The following POU6F2 variants were observed in gnomAD, a reference collection of about 807,000 sequenced individuals.
The protein encoded by POU6F2 is POU domain, class 6, transcription factor 2.
A neutral mutation model predicts 71.3 loss-of-function variants in POU6F2; 31 were observed. The ratio of observed to expected loss-of-function variants is 0.43; its 90% CI spans 0.33 to 0.59. The LOEUF (loss-of-function observed/expected upper bound fraction) is 0.59, where lower values mean the gene tolerates loss of function less well. Among genes scored for constraint, POU6F2 ranks in the 20% least tolerant of loss-of-function variants. The pLI is 0.04. For synonymous variants in POU6F2, 347 were observed against 355.7 expected, an observed-to-expected ratio of 0.98 and a Z score of 0.27; for missense variants, 783 against 856.8, an observed-to-expected ratio of 0.91 and a Z score of 1.07.
intron 4 of POU6F2, among the ~76,000 whole-genome samples, chr7:39,262,811 G>A (rs1784164240): frequency 6.6e-6 from 1 of 152,060 alleles, no homozygotes; most frequent in Admixed American, 6.6e-5. Flanking sequence ...AAAATGCATT[G>A]GAACCTATAA....
intron 4 of POU6F2, among the ~76,000 whole-genome samples, chr7:39,265,778 C>G (rs1236168568): frequency 6.6e-6 from 1 of 152,034 alleles, no homozygotes; most frequent in Non-Finnish European, 1.5e-5. Flanking sequence ...AAATGTAATC[C>G]TACAGTGCTG....
Position 39,229,734 on chromosome 7 carries a change from G to A in POU6F2, c.598+22114G>A, listed in dbSNP as rs549554244. On this transcript the variant is annotated intron_variant, in intron 4 of 9. Transcript: ENST00000518318. ...CATGGAAAGTGTGTTAAAGAAACAGGCAGGTATCTCTTAACAGCAATAAGT... is the reference window on the plus strand; with the variant it reads ...CATGGAAAGTGTGTTAAAGAAACAGACAGGTATCTCTTAACAGCAATAAGT... 6.1e-4 allele frequency among the ~76,000 whole-genome samples: 93 copies of A among 152,318 alleles called. 2 individuals are homozygous for A. In the South Asian group the frequency reaches 0.019, roughly 32 times the overall value.
intron 1 of POU6F2, among the ~76,000 whole-genome samples, chr7:39,031,116 G>C (rs1386745163): frequency 2.0e-5 from 3 of 151,964 alleles, no homozygotes. Flanking sequence ...GGCCAGGCTG[G>C]TCTCGAAATC....
intron 1 of POU6F2, among the ~76,000 whole-genome samples, chr7:39,054,781 T>TAAAA (rs35518758): frequency 2.3e-4 from 32 of 140,102 alleles, no homozygotes; most frequent in African/African-American, 7.7e-4. Context: ...TGGAGACACT[T>TAAAA]AAAAAAAAAA....
intron 2 of POU6F2, among the ~76,000 whole-genome samples, chr7:39,149,465 C>T (rs1373756299): frequency 4.6e-5 from 7 of 152,140 alleles, no homozygotes. Context: ...AGTGAAATGG[C>T]TGCTGTAGTG....
intron 4 of POU6F2, among the ~76,000 whole-genome samples, chr7:39,258,738 G>A (rs1257660084): frequency 6.6e-6 from 1 of 152,010 alleles, no homozygotes; most frequent in Admixed American, 6.6e-5. Flanking sequence ...AAGGTGGTAG[G>A]GGCACCGCAG....
intron 1 of POU6F2, among the ~76,000 whole-genome samples, chr7:38,983,799 C>T (rs187711575): frequency 1.5e-3 from 235 of 152,174 alleles, no homozygotes; most frequent in African/African-American, 5.5e-3. Flanking sequence ...TAGCACTTCT[C>T]ATAAACGTAA....
intron 2 of POU6F2, among the ~76,000 whole-genome samples, chr7:39,107,124 A>C (rs1319830949): frequency 6.8e-6 from 1 of 147,926 alleles, no homozygotes; most frequent in African/African-American, 2.5e-5. Context: ...AGCTCACTGC[A>C]GCCTTGACCT....
intron 4 of POU6F2, among the ~76,000 whole-genome samples, chr7:39,259,821 C>T (rs933874470): frequency 4.6e-5 from 7 of 152,092 alleles, no homozygotes; most frequent in Admixed American, 1.3e-4. Flanking sequence ...CCTGCCCCAG[C>T]TCTCAGCTTT....
chr7:39,024,267 A>G (rs1789746936), intron 1 of POU6F2, among the ~76,000 whole-genome samples: 2 of 151,908 alleles, frequency 1.3e-5, no homozygotes, highest in Admixed American at 6.6e-5. Flanking sequence ...CTTTGAAGCA[A>G]TTGTGAATGG....
chr7:39,343,717 C>G (rs543082734), intron 5 of POU6F2, among the ~76,000 whole-genome samples: 1 of 152,294 alleles, frequency 6.6e-6, no homozygotes, highest in African/African-American at 2.4e-5. Flanking sequence ...CTGCCTCCAA[C>G]TAACTCATAA....
intron 2 of POU6F2, among the ~76,000 whole-genome samples, chr7:39,178,560 G>A (rs1383166546): frequency 1.3e-5 from 2 of 152,174 alleles, no homozygotes; most frequent in Non-Finnish European, 2.9e-5. Context: ...CGGAGAGGCT[G>A]TATTATTTTT....
At chr7:39,077,616 CAGG>C (rs1275539103) in intron 1 of POU6F2, among the ~76,000 whole-genome samples, 1 of 152,124 alleles carries the variant, frequency 6.6e-6, no homozygotes, top group Non-Finnish European at 1.5e-5. Context: ...TGGATACTGA[CAGG>C]AGAGGAGGAC....
chr7:39,304,882 G>A (rs1342436165), intron 4 of POU6F2, among the ~76,000 whole-genome samples: 3 of 152,230 alleles, frequency 2.0e-5, no homozygotes, highest in Non-Finnish European at 4.4e-5. Context: ...CCACCAGAGT[G>A]TGGTAATAAA....
At chr7:39,026,648 C>A (rs1789811143) in intron 1 of POU6F2, among the ~76,000 whole-genome samples, 1 of 151,824 alleles carries the variant, frequency 6.6e-6, no homozygotes, top group African/African-American at 2.4e-5. Flanking sequence ...ATACCTAATG[C>A]TAAATGACGA....
Position 39,157,946 on chromosome 7 carries a change from T to C in POU6F2, c.278-46289T>C, listed in dbSNP as rs1323708406. Among the ~76,000 whole-genome samples the C allele has an allele frequency of 3.3e-5, 5 of 152,288 alleles. No homozygotes were observed. The East Asian group carries it at 9.6e-4, about 29-fold the overall frequency. On this transcript the variant is annotated intron_variant, in intron 2 of 9. Coordinates refer to ENST00000518318, the MANE Select transcript of POU6F2 (RefSeq NM_001370959.1). ...AAATATCTCCTTGGAGTAAGATGTT[T>C]AATATAGCAGACAAAAATTCAGGAT...
chr7:39,103,519 T>C (rs1039061366), intron 2 of POU6F2, among the ~76,000 whole-genome samples: 20 of 152,222 alleles, frequency 1.3e-4, no homozygotes, highest in African/African-American at 4.1e-4. Context: ...TGAAAAGCCA[T>C]GAGGCTGTGT....
At chr7:39,421,048 G>A (rs557388801) in intron 6 of POU6F2, among the ~76,000 whole-genome samples, 11 of 152,152 alleles carry the variant, frequency 7.2e-5, no homozygotes, top group Non-Finnish European at 1.6e-4. Flanking sequence ...ACAATTGGAA[G>A]AGTATATCCA....
intron 2 of POU6F2, among the ~76,000 whole-genome samples, chr7:39,128,027 G>T (rs1214652791): frequency 6.6e-6 from 1 of 151,622 alleles, no homozygotes; most frequent in African/African-American, 2.4e-5. Flanking sequence ...TGTTTTAGTA[G>T]AGATGGGGTT....
Sources: allele counts gnomAD v4.1 joint callset (sites outside exome capture counted in the v4.1 genomes callset), GRCh38; gene constraint gnomAD v4.1.1; transcripts MANE v1.5; gene names NCBI Gene and HGNC (gene_info 2026-07-23, HGNC 2026-07-21).